Variants in PCNX2 observed in about 807,000 individuals in gnomAD.
PCNX2 encodes the protein pecanex-like protein 2.
A neutral mutation model predicts 223.8 loss-of-function variants in PCNX2; 168 were observed. The ratio of observed to expected loss-of-function variants is 0.75; its 90% CI spans 0.66 to 0.85. PCNX2 has a LOEUF of 0.85. PCNX2 is among the 40% of genes least tolerant of loss of function. PCNX2 has a pLI of 0.00. For missense variants in PCNX2, 2,507 were observed against 2,675.5 expected (o/e 0.94, Z 1.39); for synonymous variants, 1,006 against 1,052.6 (o/e 0.96, Z 0.86).
chr1:233,030,365 A>G (rs1300437390), intron 25 of PCNX2, among the ~76,000 whole-genome samples: 1 of 152,106 alleles, frequency 6.6e-6, no homozygotes, highest in Non-Finnish European at 1.5e-5. Flanking sequence ...TACCTGGTGG[A>G]AACTTTTTTC....
intron 17 of PCNX2, among the ~76,000 whole-genome samples, chr1:233,169,417 C>T (rs1374782794): frequency 5.9e-5 from 9 of 151,594 alleles, no homozygotes; most frequent in African/African-American, 9.7e-5. Flanking sequence ...GAGGCCGAGA[C>T]GGGCGGATCA....
chr1:233,290,938 G>A (rs1021915832), intron 1 of PCNX2: 1 of 985,434 alleles, frequency 1.0e-6, no homozygotes, highest in Non-Finnish European at 1.2e-6. Flanking sequence ...CCGGCATGGG[G>A]TCTTGAAGGA....
At chr1:232,995,343 G>C (rs183336282) in intron 32 of PCNX2, among the ~76,000 whole-genome samples, 2 of 152,234 alleles carry the variant, frequency 1.3e-5, no homozygotes, top group East Asian at 1.9e-4. Flanking sequence ...TGTGGTGTGT[G>C]GGGTATTTAG....
At chr1:233,124,608 T>C (rs914088650) in intron 21 of PCNX2, among the ~76,000 whole-genome samples, 2 of 152,324 alleles carry the variant, frequency 1.3e-5, no homozygotes, top group Admixed American at 1.3e-4. Context: ...CACACTAAGA[T>C]TAATGGCACC....
intron 25 of PCNX2, among the ~76,000 whole-genome samples, chr1:233,035,827 T>C (rs942386276): frequency 1.3e-5 from 2 of 152,178 alleles, no homozygotes; most frequent in Non-Finnish European, 2.9e-5. Flanking sequence ...AGAGTGCGCA[T>C]TACAGGCTGG....
intron 17 of PCNX2, among the ~76,000 whole-genome samples, chr1:233,161,833 A>G (rs1678499866): frequency 6.6e-6 from 1 of 152,076 alleles, no homozygotes. Context: ...TAACATTCCA[A>G]AAACCTGGCT....
chr1:233,112,717 T>TGA, intron 21 of PCNX2: 1 of 684,104 alleles, frequency 1.5e-6, no homozygotes, highest in Non-Finnish European at 1.9e-6. Flanking sequence ...CTTTGAACAA[T>TGA]ATAACTAAAT....
intron 23 of PCNX2, among the ~76,000 whole-genome samples, chr1:233,081,130 C>T (rs1423736604): frequency 2.6e-5 from 4 of 152,050 alleles, no homozygotes; most frequent in Non-Finnish European, 4.4e-5. Flanking sequence ...GGGTGGATCA[C>T]GAGGTCAGGA....
At chr1:233,056,063 C>T (rs1051748741) in intron 24 of PCNX2, among the ~76,000 whole-genome samples, 1 of 152,144 alleles carries the variant, frequency 6.6e-6, no homozygotes, top group Non-Finnish European at 1.5e-5. Flanking sequence ...TGGAAAGAAA[C>T]TGTTCTGTGG....
intron 8 of PCNX2, among the ~76,000 whole-genome samples, chr1:233,241,728 A>C (rs550695474): frequency 2.2e-4 from 34 of 152,330 alleles, no homozygotes; most frequent in Middle Eastern, 6.8e-3. Flanking sequence ...TAAAAGACGA[A>C]ATTTCTAAAC....
intron 15 of PCNX2, among the ~76,000 whole-genome samples, chr1:233,194,884 G>A (rs938475198): frequency 1.3e-5 from 2 of 151,984 alleles, no homozygotes; most frequent in African/African-American, 2.4e-5. Context: ...GGGCGTGGTG[G>A]TGGGCTCCTG....
intron 15 of PCNX2, among the ~76,000 whole-genome samples, chr1:233,182,163 T>C (rs1679839412): frequency 6.6e-6 from 1 of 152,196 alleles, no homozygotes; most frequent in Admixed American, 6.5e-5. Flanking sequence ...TCAATGGTTG[T>C]TGTGAGGGTG....
Position 233,278,897 on chromosome 1 carries a change from G to T in PCNX2, c.154-15734C>A, listed in dbSNP as rs558760814. Among the ~76,000 whole-genome samples, 22 of 152,266 alleles carry T rather than the reference G, an allele frequency of 1.4e-4. No homozygotes were observed. The South Asian group carries it at 3.9e-3, about 27-fold the overall frequency. On this transcript the variant is annotated intron_variant, in intron 1 of 33. Coordinates refer to ENST00000258229, the MANE Select transcript of PCNX2 (RefSeq NM_014801.4). ...TCCTAAATGCATATCATTGTATGAT[G>T]ATCTCACTGGGGCTCAAATTGAACA...
At chr1:233,141,878 A>C (rs1677149577) in intron 19 of PCNX2, among the ~76,000 whole-genome samples, 1 of 152,080 alleles carries the variant, frequency 6.6e-6, no homozygotes, top group African/African-American at 2.4e-5. Flanking sequence ...GTGAGAATAG[A>C]CAGCGTGAAA....
chr1:232,986,720 T>A (rs1669503136), intron 32 of PCNX2, among the ~76,000 whole-genome samples, 180 bp from the exon 33 acceptor site: 1 of 151,984 alleles, frequency 6.6e-6, no homozygotes, highest in Non-Finnish European at 1.5e-5. Flanking sequence ...TCCCGCCAAG[T>A]CCAGGTCCTG....
At chr1:233,147,581 GAA>G (rs57899098) in intron 19 of PCNX2, among the ~76,000 whole-genome samples, 15,352 of 144,480 alleles carry the variant, frequency 0.11, 2,336 homozygotes, top group African/African-American at 0.34. Flanking sequence ...AACTTTTACT[GAA>G]AAAAAAAAAA....
chr1:233,089,110 G>A (rs1673745889), intron 23 of PCNX2, among the ~76,000 whole-genome samples: 1 of 152,072 alleles, frequency 6.6e-6, no homozygotes, highest in Non-Finnish European at 1.5e-5. Flanking sequence ...TGAAGCCAAA[G>A]GTCTAACTTA....
chr1:233,009,075 A>G (rs1670377993), intron 28 of PCNX2, among the ~76,000 whole-genome samples: 1 of 151,906 alleles, frequency 6.6e-6, no homozygotes, highest in Admixed American at 6.6e-5. Context: ...TCTGGGCATG[A>G]CTCTATGGTG....
intron 1 of PCNX2, among the ~76,000 whole-genome samples, chr1:233,287,513 C>T (rs570235456): frequency 6.6e-6 from 1 of 152,284 alleles, no homozygotes; most frequent in Admixed American, 6.5e-5. Flanking sequence ...TAAAGGGGAG[C>T]TCTCCTGCAC....
Sources: gnomAD v4.1 joint callset for allele counts (sites outside exome capture counted in the v4.1 genomes callset) on GRCh38, gnomAD v4.1.1 for gene constraint, MANE v1.5 for transcripts, NCBI Gene and HGNC (gene_info 2026-07-23, HGNC 2026-07-21) for gene names.